Variants in COL26A1 observed in about 807,000 individuals in gnomAD.
COL26A1 encodes collagen alpha-1(XXVI) chain.
A neutral mutation model predicts 59.3 loss-of-function variants in COL26A1; 41 were observed. The ratio of observed to expected loss-of-function variants is 0.69; its 90% confidence interval spans 0.54 to 0.90. COL26A1 has a LOEUF of 0.90. COL26A1 is among the 40% of genes least tolerant of loss of function. The pLI, the probability that COL26A1 is intolerant of heterozygous loss-of-function variation, is 0.00. For synonymous variants in COL26A1, 266 were observed against 256.0 expected (o/e 1.04, Z -0.37); for missense variants, 612 against 602.3 (o/e 1.02, Z -0.17).
chr7:101,396,428 A>G (rs1377240376), intron 1 of COL26A1, among the ~76,000 whole-genome samples: 1 of 151,710 alleles, frequency 6.6e-6, no homozygotes, highest in African/African-American at 2.4e-5. Flanking sequence ...TCCAAGCCCC[A>G]TAGAGCTGCT....
At chr7:101,504,092 G>A (rs575755392) in intron 3 of COL26A1, among the ~76,000 whole-genome samples, 4 of 151,980 alleles carry the variant, frequency 2.6e-5, no homozygotes, top group Non-Finnish European at 5.9e-5. Context: ...CCCCAGCTGA[G>A]CCCCAACACC....
intron 3 of COL26A1, among the ~76,000 whole-genome samples, chr7:101,517,705 C>T (rs979158129): frequency 2.6e-5 from 4 of 151,932 alleles, no homozygotes; most frequent in African/African-American, 9.7e-5. Flanking sequence ...CCATCTTGAT[C>T]CCAGGGGATA....
intron 3 of COL26A1, among the ~76,000 whole-genome samples, chr7:101,500,229 G>A (rs1312121863): frequency 6.6e-6 from 1 of 151,964 alleles, no homozygotes; most frequent in African/African-American, 2.4e-5. Context: ...GGGTTGAAGC[G>A]GGGATTGCCG....
chr7:101,387,770 A>AT (rs1304839639), intron 1 of COL26A1, among the ~76,000 whole-genome samples: 1 of 36,530 alleles, frequency 2.7e-5, no homozygotes, highest in African/African-American at 7.6e-5. Context: ...ATATATATAT[A>AT]TATATATATT....
At chr7:101,537,208 G>T (rs953437248) in intron 4 of COL26A1, among the ~76,000 whole-genome samples, 1 of 152,214 alleles carries the variant, frequency 6.6e-6, no homozygotes, top group African/African-American at 2.4e-5. Context: ...CAGGATTTCT[G>T]CCACCCTCTA....
At chr7:101,420,134 C>T in intron 2 of COL26A1, 35 bp downstream of exon 2, 3 of 1,606,256 alleles carry the variant, frequency 1.9e-6, no homozygotes, top group East Asian at 4.5e-5. Context: ...TCTGCCCTTC[C>T]CTCCCATTCC....
chr7:101,455,400 C>T (rs1247625185), intron 3 of COL26A1, among the ~76,000 whole-genome samples: 15 of 151,948 alleles, frequency 9.9e-5, no homozygotes, highest in African/African-American at 3.4e-4. Flanking sequence ...CATAGAAACA[C>T]GTAGTATTAC....
intron 3 of COL26A1, among the ~76,000 whole-genome samples, chr7:101,478,803 A>G (rs78657100): frequency 0.086 from 13,146 of 152,258 alleles, 658 homozygotes; most frequent in Middle Eastern, 0.13. Context: ...TACTACATAT[A>G]TATTTATAGC....
chr7:101,507,107 G>A (rs1794827319), intron 3 of COL26A1, among the ~76,000 whole-genome samples: 1 of 152,122 alleles, frequency 6.6e-6, no homozygotes, highest in Non-Finnish European at 1.5e-5. Flanking sequence ...CAGAGACAGA[G>A]TTTCACCACG....
At chr7:101,535,876 G>A (rs1584494541) in intron 4 of COL26A1, among the ~76,000 whole-genome samples, 1 of 152,150 alleles carries the variant, frequency 6.6e-6, no homozygotes, top group African/African-American at 2.4e-5. Context: ...GCAGAGATGG[G>A]GTAGCTCTGC....
Position 101,388,572 on chromosome 7 carries a change from T to A in COL26A1, c.158+25382T>A, listed in dbSNP as rs1791648333. 4.1e-5 allele frequency among the ~76,000 whole-genome samples: 6 copies of A among 148,058 alleles called. 1 individual carries two copies. The highest frequency in any genetic ancestry group is 4.0e-4 in the Admixed American group (6 of 14,824). ...CCCTGGCAATCACCACCTATTTTCT[T>A]TTTTTTTTTTTGAGACAGTCTCACT... On this transcript the variant is annotated intron_variant, in intron 1 of 12. Transcript: ENST00000313669.
rs1034139758 is a variant in COL26A1, at chr7:101,363,111, T to C, written c.79T>C (p.Phe27Leu). 2.6e-6 allele frequency: 4 copies of C among 1,550,128 alleles called. No homozygotes were observed. The African/African-American group carries it at 5.6e-5, about 22-fold the overall frequency. The change falls in exon 1 of 13, where the codon TTC (phenylalanine) becomes CTC (leucine). Residue 27 changes from phenylalanine to leucine, a missense_variant. Transcript: ENST00000313669. Reference protein sequence around the residue: ...SALATGFLYPFSAAALQQHGY... With the variant: ...SALATGFLYPLSAAALQQHGY... The stretch of plus-strand genomic sequence containing the variant: ...GCTGGCCACCGGCTTCCTCTATCCC[T>C]TCTCGGCCGCAGCTCTGCAGCAGCA...
At chr7:101,475,747 C>T (rs930393069) in intron 3 of COL26A1, among the ~76,000 whole-genome samples, 1 of 150,712 alleles carries the variant, frequency 6.6e-6, no homozygotes, top group Non-Finnish European at 1.5e-5. Flanking sequence ...TTCCTTCCTT[C>T]CTTCCTTTTT....
intron 1 of COL26A1, among the ~76,000 whole-genome samples, chr7:101,366,585 C>T (rs1334071654): frequency 6.8e-6 from 1 of 147,510 alleles, no homozygotes; most frequent in East Asian, 2.0e-4. Flanking sequence ...ACTGCAGCCT[C>T]GACCTCCTGG....
Position 101,543,595 on chromosome 7 carries a change from C to T in COL26A1, c.605-403C>T, listed in dbSNP as rs181814664. Among the ~76,000 whole-genome samples the T allele has an allele frequency of 2.6e-4, 40 of 152,168 alleles. No individual in the cohort carries two copies. In the East Asian group the frequency reaches 7.4e-3, roughly 28 times the overall value. ...CCTTCAGGACCTCCTGGGGCCTCCT[C>T]GGAGGCCACCTGTTGGGGAGCACTT... On this transcript the variant is annotated intron_variant, in intron 5 of 12. Coordinates refer to ENST00000313669, the MANE Select transcript of COL26A1 (RefSeq NM_001278563.3).
intron 3 of COL26A1, among the ~76,000 whole-genome samples, chr7:101,463,889 C>T (rs1206916806): frequency 2.4e-4 from 19 of 79,696 alleles, no homozygotes; most frequent in Non-Finnish European, 3.5e-4. Flanking sequence ...TTCTTTCTTT[C>T]TTTCTTTCTT....
rs570446578 is a variant in COL26A1 at position 101,471,832 on chromosome 7, G to A, written c.385+24045G>A. Reference sequence around the variant, plus strand: ...TGACCTCAAGTGATCTGCCCACCTTGGCCTCCCAAAGTGCTGAGATTACAG... The same window carrying A: ...TGACCTCAAGTGATCTGCCCACCTTAGCCTCCCAAAGTGCTGAGATTACAG... On this transcript the variant is annotated intron_variant, in intron 3 of 12. Coordinates refer to ENST00000313669, the MANE Select transcript of COL26A1 (RefSeq NM_001278563.3). Among the ~76,000 whole-genome samples the A allele has an allele frequency of 1.4e-4, 22 of 152,096 alleles. 1 individual carries two copies. The East Asian group carries it at 4.1e-3, about 28-fold the overall frequency.
chr7:101,478,589 A>G (rs1415015750), intron 3 of COL26A1, among the ~76,000 whole-genome samples: 5 of 152,238 alleles, frequency 3.3e-5, no homozygotes, highest in African/African-American at 1.2e-4. Context: ...ACTAAGATTT[A>G]ACAGTTGTTA....
intron 1 of COL26A1, among the ~76,000 whole-genome samples, chr7:101,387,787 T>TTA (rs71106517): frequency 1.5e-5 from 2 of 130,060 alleles, no homozygotes; most frequent in Non-Finnish European, 3.2e-5. Context: ...TATTTTTTTT[T>TTA]AAGACAGAGT....
Sources: allele counts gnomAD v4.1 joint callset (sites outside exome capture counted in the v4.1 genomes callset), GRCh38; gene constraint gnomAD v4.1.1; transcripts MANE v1.5; gene names NCBI Gene and HGNC (gene_info 2026-07-23, HGNC 2026-07-21).